Variants in ANK3 observed in about 807,000 individuals in gnomAD.
ANK3 encodes the protein ankyrin-3.
A neutral mutation model predicts 370.9 loss-of-function variants in ANK3; 57 were observed. The observed-to-expected ratio is 0.15, with a 90% CI of 0.12 to 0.19. ANK3 has a LOEUF of 0.19. Among genes scored for constraint, ANK3 ranks in the 10% least tolerant of loss-of-function variants. The pLI is 1.00. For synonymous variants in ANK3, 1,929 were observed against 1,946.3 expected (o/e 0.99, Z 0.23); for missense variants, 4,439 against 5,302.1 (o/e 0.84, Z 5.06).
intron 2 of ANK3, among the ~76,000 whole-genome samples, chr10:60,502,713 GAAGGAAGGGAAAGAAAGA>G (rs1320891429): frequency 6.7e-6 from 1 of 149,560 alleles, no homozygotes; most frequent in Non-Finnish European, 1.5e-5. Context: ...GGGAAGGAGG[GAAGGAAGGGAAAGAAAGA>G]AAGGAAGAGA....
intron 42 of ANK3, among the ~76,000 whole-genome samples, chr10:60,055,449 T>A (rs1330828098): frequency 1.3e-5 from 2 of 152,124 alleles, no homozygotes; most frequent in Non-Finnish European, 2.9e-5. Context: ...TATAACGAAA[T>A]GGCATACATT....
At chr10:60,313,921 T>C (rs965830675) in intron 1 of ANK3, among the ~76,000 whole-genome samples, 28 of 140,054 alleles carry the variant, frequency 2.0e-4, no homozygotes, top group Non-Finnish European at 3.6e-4. Flanking sequence ...GCCTCTGTTT[T>C]GTTTTTGTTT....
chr10:60,466,840 G>A (rs1567064006), intron 2 of ANK3, among the ~76,000 whole-genome samples: 1 of 152,146 alleles, frequency 6.6e-6, no homozygotes, highest in Non-Finnish European at 1.5e-5. Flanking sequence ...TTTTGCTTAT[G>A]TGAAATTTGC....
intron 28 of ANK3, among the ~76,000 whole-genome samples, chr10:60,095,668 C>T (rs141997540): frequency 5.3e-5 from 8 of 152,230 alleles, no homozygotes; most frequent in East Asian, 1.9e-4. Flanking sequence ...AGGCGTGAGC[C>T]GCTGTGCCTG....
chr10:60,686,724 C>T (rs1355625982), intron 1 of ANK3, among the ~76,000 whole-genome samples: 6 of 152,146 alleles, frequency 3.9e-5, no homozygotes, highest in Non-Finnish European at 8.8e-5. Flanking sequence ...ATGACACAGT[C>T]TCTTCATAGG....
chr10:60,412,906 TA>T (rs1255259156), intron 2 of ANK3, among the ~76,000 whole-genome samples: 1 of 152,246 alleles, frequency 6.6e-6, no homozygotes, highest in East Asian at 1.9e-4. Context: ...TTTATCTTTT[TA>T]TTCCCACCCA....
intron 1 of ANK3, among the ~76,000 whole-genome samples, chr10:60,668,947 C>T (rs1466639532): frequency 6.6e-6 from 1 of 151,910 alleles, no homozygotes; most frequent in Non-Finnish European, 1.5e-5. Flanking sequence ...GAGCCAAGAT[C>T]GCGCCACTGC....
intron 28 of ANK3, among the ~76,000 whole-genome samples, chr10:60,101,177 G>A (rs2091208059): frequency 6.6e-6 from 1 of 152,184 alleles, no homozygotes; most frequent in Non-Finnish European, 1.5e-5. Flanking sequence ...CGTATCTGGT[G>A]TATTTTACAT....
At chr10:60,255,725 T>C (rs1319741133) in intron 7 of ANK3, among the ~76,000 whole-genome samples, 1 of 152,162 alleles carries the variant, frequency 6.6e-6, no homozygotes, top group Non-Finnish European at 1.5e-5. Context: ...ATGATGGACA[T>C]GCGATATATC....
intron 43 of ANK3, among the ~76,000 whole-genome samples, chr10:60,034,839 C>A (rs978881433): frequency 5.5e-4 from 84 of 152,150 alleles, no homozygotes; most frequent in African/African-American, 2.0e-3. Flanking sequence ...AAATCATGGA[C>A]TAAGACTTTT....
At chr10:60,539,884 C>T (rs1256556884) in intron 2 of ANK3, among the ~76,000 whole-genome samples, 1 of 151,794 alleles carries the variant, frequency 6.6e-6, no homozygotes, top group Non-Finnish European at 1.5e-5. Flanking sequence ...TTTTCTTATA[C>T]CACGAAGCTA....
intron 25 of ANK3, among the ~76,000 whole-genome samples, chr10:60,126,705 AGAAAAAAGAAAT>A (rs2093780333): frequency 6.6e-6 from 1 of 151,862 alleles, no homozygotes; most frequent in Non-Finnish European, 1.5e-5. Context: ...AAAAAAGAAA[AGAAAAAAGAAAT>A]CCCCAACTTT....
intron 2 of ANK3, among the ~76,000 whole-genome samples, chr10:60,441,080 A>C (rs139552450): frequency 6.6e-6 from 1 of 152,166 alleles, no homozygotes; most frequent in Admixed American, 6.5e-5. Context: ...AAGAAACAGA[A>C]GGCAGGAAAA....
Position 60,082,192 on chromosome 10 carries a change from T to C in ANK3, c.4324-16A>G, listed in dbSNP as rs780894612. 2.5e-6 allele frequency: 4 copies of C among 1,605,924 alleles called. No individual in the cohort carries two copies. Among genetic ancestry groups the C allele is most frequent in the African/African-American group, 1.3e-5 (1 of 74,702 alleles). Reference sequence around the variant, plus strand: ...ACTCTGTCTCCTTTTGGTTCCAAGATGCATTGCAGAGACAAGGAATATTAT... The same window carrying C: ...ACTCTGTCTCCTTTTGGTTCCAAGACGCATTGCAGAGACAAGGAATATTAT... On this transcript the variant is annotated splice_polypyrimidine_tract_variant and intron_variant, in intron 34 of 43. Coordinates refer to ENST00000280772, the MANE Select transcript of ANK3 (RefSeq NM_020987.5).
intron 1 of ANK3, among the ~76,000 whole-genome samples, chr10:60,303,154 AT>A (rs1461015169): frequency 3.3e-5 from 5 of 152,316 alleles, no homozygotes; most frequent in Admixed American, 1.3e-4. Context: ...CTGGGCAATG[AT>A]TTTTTGCATA....
At chr10:60,686,527 A>G (rs2079270303) in intron 1 of ANK3, among the ~76,000 whole-genome samples, 1 of 152,196 alleles carries the variant, frequency 6.6e-6, no homozygotes, top group Admixed American at 6.5e-5. Flanking sequence ...AATGATGTTC[A>G]TATATTTTAC....
At chr10:60,526,554 C>G (rs960917775) in intron 2 of ANK3, among the ~76,000 whole-genome samples, 9 of 152,012 alleles carry the variant, frequency 5.9e-5, no homozygotes, top group African/African-American at 2.2e-4. Flanking sequence ...AATACGCTTA[C>G]CCATCAAGAA....
intron 1 of ANK3, among the ~76,000 whole-genome samples, chr10:60,665,983 G>T (rs1221254255): frequency 6.6e-6 from 1 of 152,176 alleles, no homozygotes; most frequent in East Asian, 1.9e-4. Context: ...TGGTGCAGCT[G>T]CTGTTGAAAA....
At chr10:60,596,082 G>A (rs901696462) in intron 2 of ANK3, among the ~76,000 whole-genome samples, 2 of 152,074 alleles carry the variant, frequency 1.3e-5, no homozygotes, top group Non-Finnish European at 2.9e-5. Context: ...CCTGCTAAGA[G>A]GCTCAGTGAG....
Sources: allele counts gnomAD v4.1 joint callset (sites outside exome capture counted in the v4.1 genomes callset), GRCh38; gene constraint gnomAD v4.1.1; transcripts MANE v1.5; gene names NCBI Gene and HGNC (gene_info 2026-07-23, HGNC 2026-07-21).